The following BRINP2 variants were observed in gnomAD, a reference collection of about 807,000 sequenced individuals.
BRINP2 encodes BMP/retinoic acid-inducible neural-specific protein 2.
Under a neutral mutation model 69.2 loss-of-function variants are expected in BRINP2, and 21 were observed. That is an observed-to-expected ratio of 0.30 (90% CI 0.22 to 0.44). The LOEUF (loss-of-function observed/expected upper bound fraction) is 0.44, where lower values mean the gene tolerates loss of function less well. BRINP2 is among the 20% of genes least tolerant of loss of function. The pLI is 1.00. For synonymous variants in BRINP2, 380 were observed against 394.1 expected, an observed-to-expected ratio of 0.96 and a Z score of 0.42; for missense variants, 877 against 986.0, an observed-to-expected ratio of 0.89 and a Z score of 1.48.
At chr1:177,190,582 AG>A (rs1648557995) in intron 1 of BRINP2, among the ~76,000 whole-genome samples, 1 of 152,156 alleles carries the variant, frequency 6.6e-6, no homozygotes. Context: ...GAGTAAGTAA[AG>A]GGGGAGTTAG....
Position 177,278,658 on chromosome 1 carries a change from C to T in BRINP2, c.1108C>T (p.His370Tyr). ...CTGGGCCATGGACACCAGCCTTCAG[C>T]ACCGCTACCAGCAGCTGGGAGCTGG... ...QFWAMDTSLQ[H>Y]RYQQLGAGLK... The change falls in exon 7 of 8, where the codon CAC (histidine) becomes TAC (tyrosine). Residue 370 changes from histidine (H) to tyrosine (Y), a missense_variant. Around this residue, in one of 3 missense-constraint regions of BRINP2, gnomAD observed 566 missense variants for 625.2 expected, o/e 0.91. Transcript: ENST00000361539. The T allele has an allele frequency of 2.5e-6, 4 of 1,614,248 alleles. No homozygotes were observed. Among genetic ancestry groups the T allele is most frequent in the Non-Finnish European group, 3.4e-6 (4 of 1,180,046 alleles).
At chr1:177,254,363 C>T (rs1650683156) in intron 2 of BRINP2, among the ~76,000 whole-genome samples, 1 of 145,452 alleles carries the variant, frequency 6.9e-6, no homozygotes, top group Admixed American at 6.9e-5. Flanking sequence ...TGCACCTAAA[C>T]ACATAAGCAC....
intron 2 of BRINP2, 137 bp from the exon 3 acceptor site, chr1:177,255,782 C>T: frequency 2.3e-6 from 2 of 872,796 alleles, no homozygotes; most frequent in Admixed American, 2.8e-5. Context: ...AGGCTCTGGG[C>T]ACCTCCAGCT....
chr1:177,238,402 G>T (rs1159422603), intron 2 of BRINP2, among the ~76,000 whole-genome samples: 1 of 152,174 alleles, frequency 6.6e-6, no homozygotes, highest in East Asian at 1.9e-4. Context: ...AAGTCAGCTG[G>T]GTTTGTCCAT....
intron 1 of BRINP2, among the ~76,000 whole-genome samples, chr1:177,200,275 G>A (rs1207068239): frequency 9.7e-6 from 1 of 103,404 alleles, no homozygotes; most frequent in Non-Finnish European, 1.8e-5. Flanking sequence ...CTGGGCAACA[G>A]GAGCGGAAAC....
At position 177,281,462 on chromosome 1, in the gene BRINP2, C is replaced by A; in HGVS notation, c.2286C>A (p.Ser762=). ...ATGAGGTGGGCAGGATCCAGTCCTC[C>A]CTGAGGGCTTTCAATTCTAAGCTGC... The part of the protein sequence containing the change: ...ANNEVGRIQS[S]LRAFNSKLPN... Residue 762 remains serine, a synonymous_variant, in exon 8 of 8, where the codon TCC becomes TCA. Coordinates refer to ENST00000361539, the MANE Select transcript of BRINP2 (RefSeq NM_021165.4). 1 of 1,613,632 alleles carries A rather than the reference C, an allele frequency of 6.2e-7. No individual in the cohort carries two copies. The highest frequency in any genetic ancestry group is 8.5e-7 in the Non-Finnish European group (1 of 1,179,992).
intron 2 of BRINP2, among the ~76,000 whole-genome samples, chr1:177,253,227 G>T (rs1650637974): frequency 1.3e-5 from 2 of 151,668 alleles, no homozygotes; most frequent in African/African-American, 4.8e-5. Flanking sequence ...CTGTCTTTTT[G>T]ATAACAGCCA....
chr1:177,228,408 C>G (rs1394135240), intron 1 of BRINP2, among the ~76,000 whole-genome samples: 2 of 152,176 alleles, frequency 1.3e-5, no homozygotes, highest in Admixed American at 1.3e-4. Flanking sequence ...GGGATTCACA[C>G]TGATCCGATG....
chr1:177,238,295 A>T (rs1418908280), intron 2 of BRINP2, among the ~76,000 whole-genome samples: 2 of 152,268 alleles, frequency 1.3e-5, no homozygotes, highest in Non-Finnish European at 2.9e-5. Context: ...GAGTCTGCTC[A>T]CAAGGAACTG....
At chr1:177,248,605 T>C (rs1317305396) in intron 2 of BRINP2, among the ~76,000 whole-genome samples, 1 of 152,038 alleles carries the variant, frequency 6.6e-6, no homozygotes, top group Non-Finnish European at 1.5e-5. Flanking sequence ...GTTCTCAGTT[T>C]ATGAGTCTGG....
chr1:177,187,843 T>C (rs1558152338), intron 1 of BRINP2, among the ~76,000 whole-genome samples: 3 of 152,214 alleles, frequency 2.0e-5, no homozygotes, highest in Admixed American at 6.5e-5. Context: ...GATTTTTTTC[T>C]ATTTTTGTAT....
At chr1:177,198,334 G>T (rs923636828) in intron 1 of BRINP2, among the ~76,000 whole-genome samples, 1 of 152,164 alleles carries the variant, frequency 6.6e-6, no homozygotes, top group African/African-American at 2.4e-5. Context: ...AGGAAAGGAA[G>T]AAATAATTAC....
chr1:177,281,444 G>A lies in BRINP2; in HGVS notation c.2268G>A (p.Val756=), dbSNP rs1382962514. 2.5e-5 allele frequency: 41 copies of A among 1,613,734 alleles called. No individual in the cohort carries two copies. Among genetic ancestry groups the A allele is most frequent in the Non-Finnish European group, 3.4e-5 (40 of 1,180,036 alleles). Residue 756 remains valine, a synonymous_variant, in exon 8 of 8, where the codon GTG becomes GTA. Coordinates refer to ENST00000361539, the MANE Select transcript of BRINP2 (RefSeq NM_021165.4). The part of the protein sequence containing the change: ...RHRLKLANNE[V]GRIQSSLRAF... ...GGCTTAAGCTGGCCAACAATGAGGT[G>A]GGCAGGATCCAGTCCTCCCTGAGGG... is the stretch of plus-strand genomic sequence containing the variant.
Position 177,281,670 on chromosome 1 carries a change from G to T in BRINP2, c.*142G>T. 9.0e-7 allele frequency: 1 copy of T among 1,110,594 alleles called. No individual in the cohort carries two copies. The highest frequency in any genetic ancestry group is 1.3e-6 in the Non-Finnish European group (1 of 788,070). The allele number at this position is 1,110,594 out of a possible 1,614,324, so 68.8% of individuals were successfully genotyped here. A position where few individuals can be genotyped will look rare whatever the true frequency, so the allele number is the denominator to read the frequency against. On this transcript the variant is annotated 3_prime_UTR_variant, in exon 8 of 8. Transcript: ENST00000361539. Reference sequence around the variant, plus strand: ...CAGTAGATGGGACCTCGAGGCTCGAGCTGAAGCAGGCGAGAGAGAAACAGC... The same window carrying T: ...CAGTAGATGGGACCTCGAGGCTCGATCTGAAGCAGGCGAGAGAGAAACAGC...
chr1:177,214,991 A>G (rs1010706494), intron 1 of BRINP2, among the ~76,000 whole-genome samples: 5 of 152,324 alleles, frequency 3.3e-5, no homozygotes, highest in Admixed American at 6.5e-5. Context: ...ACTGTGCAAT[A>G]GATCAAAAAA....
intron 1 of BRINP2, among the ~76,000 whole-genome samples, chr1:177,209,343 G>A (rs1649158949): frequency 6.6e-6 from 1 of 152,160 alleles, no homozygotes; most frequent in Non-Finnish European, 1.5e-5. Flanking sequence ...ATGTCAGGAG[G>A]GCAGCTGCAG....
At chr1:177,273,944 C>A (rs1422655848) in intron 5 of BRINP2, among the ~76,000 whole-genome samples, 1 of 152,188 alleles carries the variant, frequency 6.6e-6, no homozygotes, top group Non-Finnish European at 1.5e-5. Context: ...TCCCAGAAAA[C>A]CCTCTGCTTT....
chr1:177,220,466 G>A (rs1215118616), intron 1 of BRINP2, among the ~76,000 whole-genome samples: 1 of 151,972 alleles, frequency 6.6e-6, no homozygotes, highest in Non-Finnish European at 1.5e-5. Context: ...TCTTGCTCCT[G>A]CTTTTGCCAT....
rs746156532 is a variant in BRINP2, at chr1:177,257,414, ATGGGGGAAGCAC to A, written c.669+33_669+44del. 1.9e-6 allele frequency: 3 copies of A among 1,566,724 alleles called. No individual in the cohort carries two copies. The African/African-American group carries it at 4.1e-5, about 21-fold the overall frequency. Reference sequence around the variant, plus strand: ...TGACCTGAGAGGTACAGGGAAGGGGATGGGGGAAGCACTGAGGAACCAGGGGGAGGCCAGAGC... The same window carrying A: ...TGACCTGAGAGGTACAGGGAAGGGGATGAGGAACCAGGGGGAGGCCAGAGC... On this transcript the variant is annotated intron_variant, in intron 4 of 7. Transcript: ENST00000361539.
Sources: allele counts gnomAD v4.1 joint callset (sites outside exome capture counted in the v4.1 genomes callset), GRCh38; gene constraint gnomAD v4.1.1; regional missense constraint gnomAD v4.1.1; transcripts MANE v1.5; gene names NCBI Gene and HGNC (gene_info 2026-07-23, HGNC 2026-07-21).